The following COL6A5 variants were observed in gnomAD, a reference collection of about 807,000 sequenced individuals.
COL6A5 encodes the protein collagen alpha-5(VI) chain.
Under a neutral mutation model 65.6 loss-of-function variants are expected in COL6A5, and 48 were observed. That is an observed-to-expected ratio of 0.73 (90% confidence interval 0.58 to 0.93). COL6A5 has a LOEUF of 0.93. COL6A5 is among the 40% of genes least tolerant of loss of function. The pLI, the probability that COL6A5 is intolerant of heterozygous loss-of-function variation, is 0.00. For synonymous variants in COL6A5, 291 were observed against 322.8 expected (o/e 0.90, Z 1.05); for missense variants, 914 against 928.3 (o/e 0.98, Z 0.20).
Position 130,423,812 on chromosome 3 carries a change from A to T in COL6A5, c.5101-26A>T, listed in dbSNP as rs1311571275. 3 of 1,527,992 alleles carry T rather than the reference A, an allele frequency of 2.0e-6. No individual in the cohort carries two copies. The South Asian group carries it at 3.6e-5, about 18-fold the overall frequency. 94.7% of individuals were successfully genotyped at this position (1,527,992 alleles called of 1,614,324 possible). A position where few individuals can be genotyped will look rare whatever the true frequency, so the allele number is the denominator to read the frequency against. On this transcript the variant is annotated intron_variant and NMD_transcript_variant, in intron 28 of 41. Transcript: ENST00000312481. ...CCATAGATAGACAGTGTTGAAACTA[A>T]TGTATTAATATATTCCTATCTGCAG... is the stretch of plus-strand genomic sequence containing the variant.
At chr3:130,455,656 T>C in exon 5 of COL6A5, 1 of 1,610,108 alleles carries the variant, frequency 6.2e-7, no homozygotes, top group Non-Finnish European at 8.5e-7. Flanking sequence ...AAATTGCAAG[T>C]CTCACTTCTG....
chr3:130,357,058 AACTC>A (rs1325913095), intron 1 of COL6A5, among the ~76,000 whole-genome samples: 1 of 152,216 alleles, frequency 6.6e-6, no homozygotes, highest in Non-Finnish European at 1.5e-5. Context: ...TTTTGGGAAA[AACTC>A]ACAGTAAACA....
intron 17 of COL6A5, among the ~76,000 whole-genome samples, chr3:130,408,346 A>G (rs1391357904): frequency 6.6e-6 from 1 of 152,082 alleles, no homozygotes; most frequent in Admixed American, 6.5e-5. Flanking sequence ...AGTTGTAGAT[A>G]AGGGATGAAA....
chr3:130,374,892 G>A (rs1157201241), intron 2 of COL6A5, among the ~76,000 whole-genome samples: 3 of 152,148 alleles, frequency 2.0e-5, no homozygotes, highest in African/African-American at 4.8e-5. Flanking sequence ...TAGGAAAAGC[G>A]AGAGAGCATG....
chr3:130,382,609 G>C (rs1936037733), intron 4 of COL6A5, among the ~76,000 whole-genome samples: 1 of 152,116 alleles, frequency 6.6e-6, no homozygotes, highest in East Asian at 1.9e-4. Flanking sequence ...ATTCAGGCTA[G>C]CAACATTTAA....
intron 7 of COL6A5, among the ~76,000 whole-genome samples, chr3:130,471,182 T>A (rs322115): frequency 0.73 from 110,626 of 151,628 alleles, 41,722 homozygotes; most frequent in Non-Finnish European, 0.84. Flanking sequence ...TGAAAGAACT[T>A]TGCTTCCATT....
exon 29 of COL6A5, chr3:130,423,864 G>T: frequency 6.5e-7 from 1 of 1,549,702 alleles, no homozygotes; most frequent in South Asian, 1.2e-5. Context: ...AAGGTGAAGA[G>T]GGATCTCGAG....
intron 23 of COL6A5, among the ~76,000 whole-genome samples, chr3:130,416,067 A>G (rs1937327770): frequency 6.6e-6 from 1 of 152,146 alleles, no homozygotes; most frequent in Admixed American, 6.5e-5. Context: ...TCCATTCACT[A>G]TAGATATTTA....
chr3:130,366,572 G>A (rs968901131), intron 1 of COL6A5, among the ~76,000 whole-genome samples: 3 of 152,334 alleles, frequency 2.0e-5, no homozygotes, highest in East Asian at 3.9e-4. Flanking sequence ...TGAATTATGA[G>A]TTCTGATTCC....
At chr3:130,410,206 A>G in intron 19 of COL6A5, 132 bp downstream of exon 19, 1 of 707,302 alleles carries the variant, frequency 1.4e-6, no homozygotes, top group Non-Finnish European at 2.4e-6. Flanking sequence ...TTATTTTTTG[A>G]TGATGCATAT....
Position 130,418,866 on chromosome 3 carries a change from T to G in COL6A5, c.4888-3T>G, listed in dbSNP as rs1338401041. On this transcript the variant is annotated splice_polypyrimidine_tract_variant and splice_region_variant and intron_variant and NMD_transcript_variant, in intron 24 of 41. Coordinates refer to the COL6A5 transcript ENST00000312481. ...CTGAAGCTCTTCTTGTCCCACTTAC[T>G]AGGGAGAGCCTGGACTTCCTGGAGA... 5.2e-6 allele frequency: 8 copies of G among 1,550,184 alleles called. No individual in the cohort carries two copies. Among genetic ancestry groups the G allele is most frequent in the Middle Eastern group, 1.7e-4 (1 of 5,976 alleles).
intron 4 of COL6A5, among the ~76,000 whole-genome samples, chr3:130,448,313 C>A (rs2107710153): frequency 6.6e-6 from 1 of 152,238 alleles, no homozygotes; most frequent in Middle Eastern, 3.4e-3. Context: ...CTACGAATTC[C>A]AGTTCTAGTA....
At chr3:130,482,968 G>C (rs1159613270) in intron 7 of COL6A5, among the ~76,000 whole-genome samples, 1 of 152,206 alleles carries the variant, frequency 6.6e-6, no homozygotes, top group East Asian at 1.9e-4. Flanking sequence ...GTTAAGGGCA[G>C]CCAGAGAGAA....
At chr3:130,443,537 A>G (rs905483373) in exon 4 of COL6A5, 2 of 1,610,768 alleles carry the variant, frequency 1.2e-6, no homozygotes, top group African/African-American at 2.7e-5. Context: ...TCAATTTAGG[A>G]GGAGAGAATA....
chr3:130,387,681 A>G (rs1172680720), intron 5 of COL6A5, among the ~76,000 whole-genome samples: 1 of 152,074 alleles, frequency 6.6e-6, no homozygotes, highest in Non-Finnish European at 1.5e-5. Context: ...TTTATTTTCA[A>G]GAAGTATGGG....
intron 12 of COL6A5, among the ~76,000 whole-genome samples, chr3:130,402,760 ATAT>A: frequency 6.6e-6 from 1 of 152,272 alleles, no homozygotes. Flanking sequence ...AAAAATTATA[ATAT>A]TGTTCTATAA....
At chr3:130,462,788 A>G (rs915512765) in intron 5 of COL6A5, among the ~76,000 whole-genome samples, 1 of 152,104 alleles carries the variant, frequency 6.6e-6, no homozygotes, top group Non-Finnish European at 1.5e-5. Context: ...GGTGGCTTCA[A>G]TCAGAAGGAA....
At chr3:130,348,559 T>C (rs1288366024) in intron 1 of COL6A5, among the ~76,000 whole-genome samples, 1 of 152,190 alleles carries the variant, frequency 6.6e-6, no homozygotes, top group Non-Finnish European at 1.5e-5. Flanking sequence ...GTCTTTGCTA[T>C]TTGTAAATAG....
At chr3:130,383,901 TG>T (rs1250373949) in intron 4 of COL6A5, among the ~76,000 whole-genome samples, 1 of 152,060 alleles carries the variant, frequency 6.6e-6, no homozygotes, top group African/African-American at 2.4e-5. Flanking sequence ...CCAGGCCTAC[TG>T]GGCAGAAGCA....
Sources: gnomAD v4.1 joint callset for allele counts (sites outside exome capture counted in the v4.1 genomes callset) on GRCh38, gnomAD v4.1.1 for gene constraint, MANE v1.5 for transcripts, NCBI Gene and HGNC (gene_info 2026-07-23, HGNC 2026-07-21) for gene names.